Variants in ZNF263 observed in about 807,000 individuals in gnomAD.
ZNF263 encodes the protein zinc finger protein FPM315.
ZNF263 carries 49 observed loss-of-function variants against 63.1 expected under a neutral mutation model. The ratio of observed to expected loss-of-function variants is 0.78; its 90% CI spans 0.62 to 0.99. The LOEUF is 0.99. Among genes scored for constraint, ZNF263 ranks in the 50% least tolerant of loss-of-function variants. The pLI, the probability that ZNF263 is intolerant of heterozygous loss-of-function variation, is 0.00. For synonymous variants in ZNF263, 352 were observed against 324.2 expected (o/e 1.09, Z -0.92); for missense variants, 872 against 854.8 (o/e 1.02, Z -0.25).
chr16:3,296,120 C>T (rs1959737845), downstream of ZNF263, among the ~76,000 whole-genome samples: 1 of 152,320 alleles, frequency 6.6e-6, no homozygotes, highest in South Asian at 2.1e-4. Flanking sequence ...TCCCTATGCT[C>T]ACTTTGGCTC....
chr16:3,285,907 C>T, intron 3 of ZNF263, 116 bp from the exon 4 acceptor site: 3 of 1,574,966 alleles, frequency 1.9e-6, no homozygotes, highest in South Asian at 2.2e-5. Context: ...GGCCTGATAC[C>T]CTTCTTCCCC....
chr16:3,285,620 T>C (rs964223213), intron 2 of ZNF263, 61 bp from the exon 3 acceptor site: 2 of 1,548,760 alleles, frequency 1.3e-6, no homozygotes, highest in Admixed American at 1.7e-5. Context: ...TGTGTTTTAA[T>C]AATCCTTGGG....
At chr16:3,285,965 C>T (rs1234561010) in intron 3 of ZNF263, 58 bp from the exon 4 acceptor site, 1 of 1,613,134 alleles carries the variant, frequency 6.2e-7, no homozygotes, top group Non-Finnish European at 8.5e-7. Flanking sequence ...TAACCCATGA[C>T]TCTGCTTGAA....
chr16:3,294,005 A>C (rs1959681870), downstream of ZNF263, among the ~76,000 whole-genome samples: 2 of 152,214 alleles, frequency 1.3e-5, no homozygotes, highest in African/African-American at 4.8e-5. Flanking sequence ...GGCTCACTGC[A>C]AGCTTCGCCT....
downstream of ZNF263, chr16:3,293,548 A>T (rs1271776843): frequency 6.6e-6 from 1 of 152,262 alleles, no homozygotes; most frequent in Non-Finnish European, 1.5e-5. Flanking sequence ...TTTATGTCAC[A>T]GGGAGACTAA....
At chr16:3,286,193 C>T (rs757237324) in intron 4 of ZNF263, 44 bp downstream of exon 4, 1 of 1,548,270 alleles carries the variant, frequency 6.5e-7, no homozygotes, top group Non-Finnish European at 8.7e-7. Flanking sequence ...CCATTTCTGA[C>T]CAGGGTCCTG....
rs754565567 is a variant in ZNF263 at position 3,290,482 on chromosome 16, A to G, written c.1976A>G (p.Tyr659Cys). 8.7e-6 allele frequency: 14 copies of G among 1,613,938 alleles called. No homozygotes were observed. The South Asian group carries it at 1.1e-4, about 13-fold the overall frequency. Residue 659 changes from tyrosine to cysteine, a missense_variant, in exon 6 of 6, where the codon TAT (tyrosine) becomes TGT (cysteine). By Grantham distance (194) the Tyr-to-Cys change is radical. Transcript: ENST00000219069. ...AGAACGCATACGGGAGAGAGACCCTATAAATGTTCTGAATGTGGAGAAAGC... is the reference window on the plus strand; with the variant it reads ...AGAACGCATACGGGAGAGAGACCCTGTAAATGTTCTGAATGTGGAGAAAGC... ...HLRTHTGERP[Y>C]KCSECGESFS...
intron 2 of ZNF263, chr16:3,299,601 G>C: frequency 1.3e-6 from 2 of 1,558,394 alleles, no homozygotes; most frequent in Non-Finnish European, 1.7e-6. Flanking sequence ...ACAGCCGTTT[G>C]CAGCTCAAGA....
chr16:3,287,405 CTTTTTTTTTTTTT>C (rs34751211), intron 4 of ZNF263, among the ~76,000 whole-genome samples: 17 of 97,868 alleles, frequency 1.7e-4, no homozygotes, highest in Non-Finnish European at 2.0e-5. Context: ...CACACCCGGC[CTTTTTTTTTTTTT>C]TTTTTTTTTT....
At chr16:3,284,687 C>T (rs1422668397) in intron 1 of ZNF263, among the ~76,000 whole-genome samples, 1 of 152,152 alleles carries the variant, frequency 6.6e-6, no homozygotes, top group African/African-American at 2.4e-5. Flanking sequence ...AGCTGGGCCT[C>T]CGTTAATTGT....
chr16:3,291,110 A>G lies in ZNF263; in HGVS notation c.*552A>G. The G allele has an allele frequency of 1.0e-6, 1 of 988,106 alleles. No individual in the cohort carries two copies. The highest frequency in any genetic ancestry group is 4.6e-5 in the South Asian group (1 of 21,586). The allele number at this position is 988,106 out of a possible 1,614,324, so 61.2% of individuals were successfully genotyped here. A position where few individuals can be genotyped will look rare whatever the true frequency, so the allele number is the denominator to read the frequency against. On this transcript the variant is annotated 3_prime_UTR_variant, in exon 6 of 6. Transcript: ENST00000219069. ...AGATCAAGCCACCACGTGCCCTACGATGGCCTAACAGGAGTGCCCATTGGC... is the reference window on the plus strand; with the variant it reads ...AGATCAAGCCACCACGTGCCCTACGGTGGCCTAACAGGAGTGCCCATTGGC...
chr16:3,299,228 G>A (rs1206445737), intron 2 of ZNF263: 1 of 1,607,830 alleles, frequency 6.2e-7, no homozygotes, highest in East Asian at 2.2e-5. Flanking sequence ...CCTCCTTTTT[G>A]AACAACTTCC....
downstream of ZNF263, among the ~76,000 whole-genome samples, chr16:3,294,902 C>G (rs1959704297): frequency 6.6e-6 from 1 of 152,148 alleles, no homozygotes; most frequent in African/African-American, 2.4e-5. Context: ...GTTCTGAAGT[C>G]CAGCGTATGT....
At chr16:3,298,363 C>T (rs1193461408) in intron 1 of ZNF263, among the ~76,000 whole-genome samples, 3 of 152,106 alleles carry the variant, frequency 2.0e-5, no homozygotes, top group Non-Finnish European at 2.9e-5. Context: ...TAAATGCTAA[C>T]GTATTAGTAA....
intron 4 of ZNF263, 143 bp downstream of exon 4, chr16:3,286,292 A>G (rs1959355622): frequency 1.6e-6 from 2 of 1,252,560 alleles, no homozygotes; most frequent in African/African-American, 1.5e-5. Flanking sequence ...AGTCCCCTGT[A>G]CGAGAGTCAT....
At position 3,291,334 on chromosome 16, in the gene ZNF263, G is replaced by C. The variant is rs899644274; in HGVS notation, c.*776G>C. On this transcript the variant is annotated 3_prime_UTR_variant, in exon 6 of 6. Coordinates refer to ENST00000219069, the MANE Select transcript of ZNF263 (RefSeq NM_005741.5). ...GTCTTGTTCCTGACTCCAGAGGAAC[G>C]AGAGCATTCCAGGAAAGAGAGATTC... is the stretch of plus-strand genomic sequence containing the variant. The C allele has an allele frequency of 9.1e-6, 9 of 985,292 alleles. No individual in the cohort carries two copies. In the East Asian group the frequency reaches 1.0e-3, roughly 112 times the overall value. The allele number at this position is 985,292 out of a possible 1,614,324, so 61.0% of individuals were successfully genotyped here. A position where few individuals can be genotyped will look rare whatever the true frequency, so the allele number is the denominator to read the frequency against.
intron 1 of ZNF263, 50 bp from the exon 2 acceptor site, chr16:3,285,009 C>A: frequency 6.2e-7 from 1 of 1,601,404 alleles, no homozygotes; most frequent in East Asian, 2.2e-5. Flanking sequence ...ACTAATTTCC[C>A]TTCCTCTTGG....
chr16:3,300,558 T>A, intron 2 of ZNF263: 2 of 1,608,832 alleles, frequency 1.2e-6, no homozygotes, highest in Non-Finnish European at 1.7e-6. Context: ...CAATTCTACT[T>A]AGAACCTTCA....
At chr16:3,288,327 C>CA in intron 4 of ZNF263, 127 bp from the exon 5 acceptor site, 1 of 730,566 alleles carries the variant, frequency 1.4e-6, no homozygotes, top group South Asian at 1.4e-5. Context: ...GTGTATATTC[C>CA]AAGTAACTGC....
Sources: gnomAD v4.1 joint callset for allele counts (sites outside exome capture counted in the v4.1 genomes callset) on GRCh38, gnomAD v4.1.1 for gene constraint, MANE v1.5 for transcripts, NCBI Gene and HGNC (gene_info 2026-07-23, HGNC 2026-07-21) for gene names.